Variants in LPXN observed in about 807,000 individuals in gnomAD.
LPXN encodes leupaxin.
LPXN carries 28 observed loss-of-function variants against 45.6 expected under a neutral mutation model. That is an observed-to-expected ratio of 0.61 (90% CI 0.45 to 0.84). The LOEUF is 0.84. LPXN is among the 40% of genes least tolerant of loss of function. The probability of loss-of-function intolerance (pLI) is 0.00; values close to 1 mark genes in which losing one functional copy is unlikely to be tolerated. For missense variants in LPXN, 459 were observed against 475.0 expected (o/e 0.97, Z 0.31); for synonymous variants, 166 against 169.9 (o/e 0.98, Z 0.18).
At chr11:58,574,052 A>G (rs1011142221) in intron 1 of LPXN, among the ~76,000 whole-genome samples, 1 of 97,924 alleles carries the variant, frequency 1.0e-5, no homozygotes, top group Non-Finnish European at 2.1e-5. Context: ...GCCAGCAGGA[A>G]GAAAGATCCA....
chr11:58,562,377 A>G (rs764273083), intron 3 of LPXN, among the ~76,000 whole-genome samples: 2 of 152,224 alleles, frequency 1.3e-5, no homozygotes, highest in African/African-American at 2.4e-5. Context: ...TTCTATTTAT[A>G]TGCTAGCCTT....
At chr11:58,539,357 G>A (rs1431098480) in intron 7 of LPXN, among the ~76,000 whole-genome samples, 1 of 152,150 alleles carries the variant, frequency 6.6e-6, no homozygotes, top group Admixed American at 6.5e-5. Flanking sequence ...TCTGTCCACT[G>A]AAAAACCTAG....
At chr11:58,531,677 GC>G (rs1853391920) in intron 7 of LPXN, among the ~76,000 whole-genome samples, 1 of 152,150 alleles carries the variant, frequency 6.6e-6, no homozygotes, top group Non-Finnish European at 1.5e-5. Flanking sequence ...AGCAAGACAG[GC>G]CAACATTCAA....
At position 58,528,080 on chromosome 11, in the gene LPXN, A is replaced by G. The variant is rs1565181419; in HGVS notation, c.854T>C (p.Met285Thr). Residue 285 changes from methionine (M) to threonine (T), a missense_variant, in exon 8 of 9, where the codon ATG (methionine) becomes ACG (threonine). Met to Thr is a moderately conservative substitution (Grantham distance 81, BLOSUM62 -1). Transcript: ENST00000395074. ...GCACTCTGGGTGCCAGACAGTGTCC[A>G]TGGCTGAAAGGTAGTTTTCCAACAC... ...RPVLENYLSA[M>T]DTVWHPECFV... is the part of the protein sequence containing the mutation. 6.2e-7 allele frequency: 1 copy of G among 1,614,264 alleles called. No individual in the cohort carries two copies. The highest frequency in any genetic ancestry group is 8.5e-7 in the Non-Finnish European group (1 of 1,180,042).
intron 7 of LPXN, among the ~76,000 whole-genome samples, chr11:58,529,836 C>A (rs575040288): frequency 2.0e-5 from 3 of 152,070 alleles, no homozygotes; most frequent in African/African-American, 4.8e-5. Flanking sequence ...CTGAGGTAAC[C>A]GGTTCATCTC....
intron 7 of LPXN, among the ~76,000 whole-genome samples, chr11:58,535,344 C>A (rs772545349): frequency 2.0e-5 from 3 of 152,196 alleles, no homozygotes; most frequent in Non-Finnish European, 4.4e-5. Flanking sequence ...AGCTTCATAC[C>A]TGGGACGCAA....
intron 7 of LPXN, among the ~76,000 whole-genome samples, chr11:58,538,013 A>C (rs187158927): frequency 1.1e-4 from 16 of 147,594 alleles, no homozygotes; most frequent in African/African-American, 4.0e-4. Flanking sequence ...ATGAGTGAGA[A>C]CATGTGGCGT....
intron 7 of LPXN, among the ~76,000 whole-genome samples, chr11:58,529,795 T>C (rs1052094117): frequency 6.6e-6 from 1 of 152,140 alleles, no homozygotes; most frequent in African/African-American, 2.4e-5. Context: ...GTGAGATCGA[T>C]GCAGAAGGCA....
chr11:58,546,861 C>G (rs1853889621), intron 7 of LPXN, among the ~76,000 whole-genome samples: 2 of 152,074 alleles, frequency 1.3e-5, no homozygotes, highest in Non-Finnish European at 2.9e-5. Flanking sequence ...ATTACTTGTA[C>G]AATTCTGGAA....
intron 8 of LPXN, 42 bp from the exon 9 acceptor site, chr11:58,527,765 A>T: frequency 6.3e-7 from 1 of 1,586,660 alleles, no homozygotes; most frequent in South Asian, 1.1e-5. Context: ...GCAAATGTCA[A>T]GAGGTAAAAT....
chr11:58,547,304 G>GA (rs1343640073), intron 7 of LPXN, among the ~76,000 whole-genome samples: 1 of 152,056 alleles, frequency 6.6e-6, no homozygotes, highest in Non-Finnish European at 1.5e-5. Flanking sequence ...AAAGCCCCTT[G>GA]AAAAAAGAAT....
At chr11:58,558,690 T>A (rs1047859158) in intron 3 of LPXN, among the ~76,000 whole-genome samples, 1 of 151,658 alleles carries the variant, frequency 6.6e-6, no homozygotes, top group African/African-American at 2.4e-5. Context: ...TTTCAAATCA[T>A]CCAAAACAGA....
intron 4 of LPXN, among the ~76,000 whole-genome samples, chr11:58,552,935 G>A (rs1046345845): frequency 9.2e-5 from 14 of 152,098 alleles, no homozygotes; most frequent in Non-Finnish European, 1.9e-4. Context: ...GCCTATCTCC[G>A]GTGGGGCAGA....
chr11:58,578,095 G>C, upstream of LPXN: 2 of 1,541,796 alleles, frequency 1.3e-6, no homozygotes, highest in East Asian at 2.5e-5. Context: ...ACCAAACCAA[G>C]GCAAGTCTGG....
At chr11:58,558,856 T>C (rs187707044) in intron 3 of LPXN, among the ~76,000 whole-genome samples, 187 of 151,984 alleles carry the variant, frequency 1.2e-3, no homozygotes, top group Non-Finnish European at 2.3e-3. Context: ...TTTTACAATT[T>C]GGGGTAATGA....
At chr11:58,564,654 G>A (rs866106948) in intron 2 of LPXN, among the ~76,000 whole-genome samples, 1 of 152,246 alleles carries the variant, frequency 6.6e-6, no homozygotes, top group African/African-American at 2.4e-5. Flanking sequence ...TGTATTGAGG[G>A]CCTGTCATGT....
intron 7 of LPXN, among the ~76,000 whole-genome samples, chr11:58,533,490 CA>C (rs1853458670): frequency 6.6e-6 from 1 of 152,116 alleles, no homozygotes; most frequent in South Asian, 2.1e-4. Flanking sequence ...TTACTACCAC[CA>C]GGCCTGCCTT....
chr11:58,571,331 C>A (rs1226548518), intron 1 of LPXN, among the ~76,000 whole-genome samples: 1 of 140,656 alleles, frequency 7.1e-6, no homozygotes, highest in Non-Finnish European at 1.5e-5. Context: ...AGGAGTGATA[C>A]CCTGTCTCAA....
chr11:58,533,420 T>C (rs960761197), intron 7 of LPXN, among the ~76,000 whole-genome samples: 1 of 152,190 alleles, frequency 6.6e-6, no homozygotes, highest in Admixed American at 6.5e-5. Flanking sequence ...CCAGCCAAAC[T>C]AAGCTTCGTA....
Sources: allele counts gnomAD v4.1 joint callset (sites outside exome capture counted in the v4.1 genomes callset), GRCh38; gene constraint gnomAD v4.1.1; transcripts MANE v1.5; gene names NCBI Gene and HGNC (gene_info 2026-07-23, HGNC 2026-07-21).